Variants in CACNA1C observed in about 807,000 individuals in gnomAD.
The protein encoded by CACNA1C is calcium voltage-gated channel subunit alpha1 C, also known as voltage-dependent L-type calcium channel subunit alpha-1C.
A neutral mutation model predicts 229.0 loss-of-function variants in CACNA1C; 30 were observed. That is an observed-to-expected ratio of 0.13 (90% CI 0.10 to 0.18). The LOEUF is 0.18. CACNA1C is among the 10% of genes least tolerant of loss of function. The pLI is 1.00. For missense variants in CACNA1C, 1,658 were observed against 2,845.0 expected (o/e 0.58, Z 9.49); for synonymous variants, 1,114 against 1,132.5 (o/e 0.98, Z 0.33).
At chr12:2,389,762 G>A (rs2098453068) in intron 3 of CACNA1C, among the ~76,000 whole-genome samples, 1 of 152,162 alleles carries the variant, frequency 6.6e-6, no homozygotes. Context: ...AGTCCCCACT[G>A]ATACTGGTGT....
intron 1 of CACNA1C, chr12:2,004,204 GTCC>G (rs1291800345): frequency 1.3e-6 from 2 of 1,576,368 alleles, no homozygotes; most frequent in South Asian, 1.1e-5. Flanking sequence ...CCCTCACCGG[GTCC>G]TCAAGTCCTG....
intron 4 of CACNA1C, among the ~76,000 whole-genome samples, chr12:2,450,486 G>A (rs1018088192): frequency 2.1e-5 from 3 of 142,988 alleles, no homozygotes; most frequent in African/African-American, 5.4e-5. Flanking sequence ...CCCGGGAGGC[G>A]GAGCTTACAG....
intron 3 of CACNA1C, among the ~76,000 whole-genome samples, chr12:2,280,196 TTAACCTCTTGAGACCTTGCTGTGC>T (rs1399931853): frequency 2.2e-4 from 29 of 131,108 alleles, no homozygotes; most frequent in African/African-American, 8.9e-4. Flanking sequence ...GTGCTTCGGT[TTAACCTCTTGAGACCTTGCTGTGC>T]TTCGGTTTAA....
At chr12:2,663,773 G>A (rs1413052104) in intron 34 of CACNA1C, among the ~76,000 whole-genome samples, 3 of 122,740 alleles carry the variant, frequency 2.4e-5, no homozygotes, top group African/African-American at 6.6e-5. Context: ...ACGGAGTCTC[G>A]CTCTGTCGCC....
chr12:1,994,925 T>C (rs1197266613), intron 1 of CACNA1C, among the ~76,000 whole-genome samples: 1 of 111,952 alleles, frequency 8.9e-6, no homozygotes, highest in Non-Finnish European at 1.7e-5. Context: ...CCACCCACCA[T>C]GAGTTTTACA....
intron 3 of CACNA1C, among the ~76,000 whole-genome samples, chr12:2,138,761 C>T (rs1257425729): frequency 6.6e-6 from 1 of 151,192 alleles, no homozygotes; most frequent in Non-Finnish European, 1.5e-5. Context: ...AGCCATGCCT[C>T]TTGTGCGGCC....
chr12:2,432,802 C>T (rs898465521), intron 3 of CACNA1C, among the ~76,000 whole-genome samples: 12 of 152,102 alleles, frequency 7.9e-5, no homozygotes, highest in African/African-American at 2.9e-4. Context: ...CAACTAAAGC[C>T]CTGGACCAGA....
chr12:2,331,792 T>C (rs1327845594), intron 3 of CACNA1C, among the ~76,000 whole-genome samples: 1 of 151,602 alleles, frequency 6.6e-6, no homozygotes, highest in East Asian at 1.9e-4. Context: ...CAAACCCAAA[T>C]TGAGGGACAT....
chr12:2,356,703 C>T (rs1385739672), intron 3 of CACNA1C, among the ~76,000 whole-genome samples: 1 of 152,256 alleles, frequency 6.6e-6, no homozygotes, highest in Non-Finnish European at 1.5e-5. Context: ...TGTGGGCTTG[C>T]CCTCCTCTGT....
chr12:2,252,626 G>GT (rs1218846039), intron 3 of CACNA1C, among the ~76,000 whole-genome samples: 4 of 152,228 alleles, frequency 2.6e-5, no homozygotes, highest in Non-Finnish European at 4.4e-5. Flanking sequence ...TTTGTAGGTG[G>GT]TAGAGGCCTG....
In CACNA1C at chr12:2,014,050, A is replaced by T. The variant is rs191925398; in HGVS notation, c.139+42849A>T. On this transcript the variant is annotated intron_variant, in intron 1 of 46. Coordinates refer to the CACNA1C transcript ENST00000682462. ...TGTTGGTAATAAATAGCCCTCTCCC[A>T]GTGCTTTGACCTTCCCCTGCTGCTA... Among the ~76,000 whole-genome samples, 6 of 152,312 alleles carry T rather than the reference A, an allele frequency of 3.9e-5. No homozygotes were observed. The East Asian group carries it at 1.2e-3, about 29-fold the overall frequency.
At position 2,053,514 on chromosome 12, in the gene CACNA1C, A is replaced by G; in HGVS notation, c.-49A>G. 1 of 1,552,332 alleles carries G rather than the reference A, an allele frequency of 6.4e-7. No homozygotes were observed. Among genetic ancestry groups the G allele is most frequent in the Non-Finnish European group, 8.7e-7 (1 of 1,147,664 alleles). ...CAGACCCGCCGGGGGGTGTTTTCAC[A>G]TTTCTTCCTCTTCGTGGCTGCTCCT... On this transcript the variant is annotated 5_prime_UTR_variant, in exon 1 of 47. Transcript: ENST00000399655. The surrounding 1 kb of genome is among the most constrained non-coding windows in gnomAD (Gnocchi z 5.8).
chr12:2,487,377 G>A (rs1325136123), intron 6 of CACNA1C, among the ~76,000 whole-genome samples: 1 of 150,016 alleles, frequency 6.7e-6, no homozygotes, highest in African/African-American at 2.5e-5. Context: ...AGGAGGGATA[G>A]CTTCCAAACA....
At chr12:2,331,977 T>C (rs2096562544) in intron 3 of CACNA1C, among the ~76,000 whole-genome samples, 1 of 152,228 alleles carries the variant, frequency 6.6e-6, no homozygotes, top group African/African-American at 2.4e-5. Flanking sequence ...ATTAAATTTT[T>C]TTTGGTATAA....
chr12:2,511,637 C>G (rs2099784233), intron 8 of CACNA1C, among the ~76,000 whole-genome samples: 1 of 152,104 alleles, frequency 6.6e-6, no homozygotes, highest in East Asian at 1.9e-4. Flanking sequence ...TCCCCAAAGA[C>G]TGCATATCAA....
At chr12:2,279,135 A>C (rs2090099598) in intron 3 of CACNA1C, among the ~76,000 whole-genome samples, 2 of 152,068 alleles carry the variant, frequency 1.3e-5, no homozygotes, top group African/African-American at 2.4e-5. Context: ...GCTGGCTATA[A>C]GTTTTTTTTA....
At chr12:2,570,836 A>G (rs1459926579) in intron 13 of CACNA1C, among the ~76,000 whole-genome samples, 2 of 152,230 alleles carry the variant, frequency 1.3e-5, no homozygotes, top group Non-Finnish European at 2.9e-5. Flanking sequence ...TGAGGGACTT[A>G]ACAGACACCC....
At chr12:2,113,357 A>C (rs967102997) in intron 1 of CACNA1C, among the ~76,000 whole-genome samples, 1 of 152,160 alleles carries the variant, frequency 6.6e-6, no homozygotes, top group Non-Finnish European at 1.5e-5. Context: ...TGGGGAGCAA[A>C]GTTATCTTGG....
chr12:2,372,132 A>G (rs947901170), intron 3 of CACNA1C, among the ~76,000 whole-genome samples: 1 of 152,214 alleles, frequency 6.6e-6, no homozygotes, highest in African/African-American at 2.4e-5. Context: ...AACAGATAGT[A>G]TATGATGTAG....
Sources: allele counts gnomAD v4.1 joint callset (sites outside exome capture counted in the v4.1 genomes callset), GRCh38; gene constraint gnomAD v4.1.1; non-coding constraint Gnocchi (gnomAD v3.1); transcripts MANE v1.5; gene names NCBI Gene and HGNC (gene_info 2026-07-23, HGNC 2026-07-21).